Variants in NFX1 observed in about 807,000 individuals in gnomAD.
NFX1 encodes the protein transcriptional repressor NF-X1.
Under a neutral mutation model 137.2 loss-of-function variants are expected in NFX1, and 69 were observed. The observed-to-expected ratio is 0.50, with a 90% CI of 0.41 to 0.61. The LOEUF is 0.61. Ranked by LOEUF, NFX1 falls within the 20% of genes least tolerant of loss-of-function variation. NFX1 has a pLI of 0.00. For missense variants in NFX1, 1,167 were observed against 1,391.0 expected (o/e 0.84, Z 2.56); for synonymous variants, 495 against 474.1 (o/e 1.04, Z -0.57).
chr9:33,306,373 C>T (rs1185936444), intron 4 of NFX1, among the ~76,000 whole-genome samples: 3 of 152,144 alleles, frequency 2.0e-5, no homozygotes, highest in Non-Finnish European at 4.4e-5. Flanking sequence ...GACTGTGAAA[C>T]CCCAAGCAAG....
At chr9:33,356,563 G>A (rs2118659576) in intron 19 of NFX1, among the ~76,000 whole-genome samples, 1 of 152,018 alleles carries the variant, frequency 6.6e-6, no homozygotes, top group East Asian at 1.9e-4. Context: ...GTCCTATTTA[G>A]AAAAATTTGT....
In NFX1 at chr9:33,354,167, A is replaced by G; in HGVS notation, c.2811A>G (p.Lys937=). The G allele has an allele frequency of 6.2e-7, 1 of 1,613,268 alleles. No individual in the cohort carries two copies. ...TGGAGATCAGCAAGTTAATTACCAA[A>G]AAGGAAGTTCATCAAGCCAGGTAAT... The part of the protein sequence containing the change: ...GSVEISKLIT[K]KEVHQARLEC... Residue 937 remains lysine, a synonymous_variant, in exon 18 of 24, where the codon AAA becomes AAG. Coordinates refer to ENST00000379540, the MANE Select transcript of NFX1 (RefSeq NM_002504.6).
chr9:33,344,332 G>C, intron 14 of NFX1, 144 bp downstream of exon 14: 1 of 1,181,178 alleles, frequency 8.5e-7, no homozygotes, highest in Non-Finnish European at 1.2e-6. Flanking sequence ...TCTGAAGGTG[G>C]GTCTGTGATC....
chr9:33,367,996 G>C (rs1824218998), intron 23 of NFX1, among the ~76,000 whole-genome samples: 1 of 152,250 alleles, frequency 6.6e-6, no homozygotes, highest in Non-Finnish European at 1.5e-5. Context: ...CACTTTGGGA[G>C]GCCAAGGCGG....
intron 19 of NFX1, among the ~76,000 whole-genome samples, chr9:33,361,173 G>T (rs1823974757): frequency 6.6e-6 from 1 of 151,982 alleles, no homozygotes; most frequent in Admixed American, 6.6e-5. Context: ...AACCTAAATG[G>T]GAAATGATTA....
chr9:33,354,022 C>T, intron 17 of NFX1, 64 bp from the exon 18 acceptor site: 1 of 1,443,502 alleles, frequency 6.9e-7, no homozygotes, highest in Non-Finnish European at 9.4e-7. Flanking sequence ...TTCTGTATCC[C>T]AAGTATAAGG....
chr9:33,346,566 T>C (rs116636847), intron 14 of NFX1, among the ~76,000 whole-genome samples: 65 of 151,670 alleles, frequency 4.3e-4, no homozygotes, highest in African/African-American at 1.5e-3. Flanking sequence ...CAGACGAGAG[T>C]GTGGTAGCCA....
At chr9:33,337,741 C>T (rs1016844536) in intron 11 of NFX1, among the ~76,000 whole-genome samples, 1 of 27,806 alleles carries the variant, frequency 3.6e-5, no homozygotes, top group African/African-American at 4.8e-5. Flanking sequence ...TAAAACAAAA[C>T]AAAACAAAAC....
intron 15 of NFX1, among the ~76,000 whole-genome samples, chr9:33,350,256 A>G (rs572815955): frequency 3.8e-4 from 57 of 149,050 alleles, no homozygotes; most frequent in African/African-American, 1.3e-3. Flanking sequence ...GTGAGCTGAG[A>G]TGGCGCCACC....
chr9:33,328,070 G>T (rs1176827901), intron 9 of NFX1, among the ~76,000 whole-genome samples: 1 of 152,138 alleles, frequency 6.6e-6, no homozygotes, highest in East Asian at 1.9e-4. Context: ...GAGTTCAGTG[G>T]TGCGATCACA....
At chr9:33,348,865 C>A in intron 15 of NFX1, 1 of 807,648 alleles carries the variant, frequency 1.2e-6, no homozygotes, top group Non-Finnish European at 1.5e-6. Flanking sequence ...TGCTACATTC[C>A]AACTGTCCTA....
intron 10 of NFX1, among the ~76,000 whole-genome samples, chr9:33,330,853 T>C (rs1031889452): frequency 6.6e-6 from 1 of 152,090 alleles, no homozygotes; most frequent in African/African-American, 2.4e-5. Context: ...CTGTTAAACC[T>C]GTTTGACAAA....
Position 33,352,931 on chromosome 9 carries a change from G to GT in NFX1, c.2729+215dup, listed in dbSNP as rs1823690990. On this transcript the variant is annotated intron_variant, in intron 17 of 23. Coordinates refer to ENST00000379540, the MANE Select transcript of NFX1 (RefSeq NM_002504.6). ...TTCTAAAAGCTGGAAAGGTTTTTTTGTTTGTTTTGTTTTGTTTTATTGAGA... is the reference window on the plus strand; with the variant it reads ...TTCTAAAAGCTGGAAAGGTTTTTTTGTTTTGTTTTGTTTTGTTTTATTGAGA... 9 of 513,736 alleles carry GT rather than the reference G, an allele frequency of 1.8e-5. No homozygotes were observed. The South Asian group carries it at 2.2e-4, about 13-fold the overall frequency. 31.8% of individuals were successfully genotyped at this position (513,736 alleles called of 1,614,324 possible).
At chr9:33,309,360 G>A (rs201803762) in intron 5 of NFX1, among the ~76,000 whole-genome samples, 9 of 146,052 alleles carry the variant, frequency 6.2e-5, no homozygotes, top group Non-Finnish European at 4.5e-5. Context: ...CCGTCTCAGA[G>A]AAAAAAAAAA....
intron 5 of NFX1, among the ~76,000 whole-genome samples, chr9:33,308,989 C>T (rs1002307286): frequency 1.3e-5 from 2 of 152,064 alleles, no homozygotes; most frequent in African/African-American, 2.4e-5. Context: ...TTTGACTGCT[C>T]GCATAGGTCC....
At position 33,331,343 on chromosome 9, in the gene NFX1, T is replaced by C. The variant is rs900764109; in HGVS notation, c.2005-1129T>C. Among the ~76,000 whole-genome samples the C allele has an allele frequency of 5.9e-5, 9 of 152,330 alleles. 1 individual carries two copies. Among genetic ancestry groups the C allele is most frequent in the Admixed American group, 5.9e-4 (9 of 15,304 alleles). On this transcript the variant is annotated intron_variant, in intron 10 of 23. Coordinates refer to ENST00000379540, the MANE Select transcript of NFX1 (RefSeq NM_002504.6). ...TCAAAGGTTGTTTTCATTTCATCAC[T>C]TTGGTGGGATTCTGATAAATGTATG...
At position 33,364,757 on chromosome 9, in the gene NFX1, G is replaced by A. The variant is rs767614678; in HGVS notation, c.3022G>A (p.Val1008Met). ...SDVEKEMETL[V>M]EAVNKGKNSK... ...CGTTGAGAAGGAAATGGAAACCCTC[G>A]TGGAGGCCGTGAATAAGGTTGAAGT... Residue 1008 changes from valine (V) to methionine (M), a missense_variant, in exon 21 of 24, where the codon GTG (valine) becomes ATG (methionine). Val to Met is a conservative substitution (Grantham distance 21, BLOSUM62 1). This residue lies in a region of NFX1 where 312 missense variants were observed against 312.8 expected (regional missense o/e 1.00). Transcript: ENST00000379540. 5.6e-6 allele frequency: 9 copies of A among 1,613,628 alleles called. No homozygotes were observed. Among genetic ancestry groups the A allele is most frequent in the Non-Finnish European group, 7.6e-6 (9 of 1,179,916 alleles).
At chr9:33,311,033 A>T in intron 5 of NFX1, 73 bp from the exon 6 acceptor site, 1 of 1,378,640 alleles carries the variant, frequency 7.3e-7, no homozygotes, top group Non-Finnish European at 1.0e-6. Flanking sequence ...TCACAATAAG[A>T]CCCAGCTGGG....
rs1245940807 is a variant in NFX1, at chr9:33,370,901, T to A, written c.*923T>A. The A allele has an allele frequency of 6.6e-6, 1 of 152,312 alleles. No individual in the cohort carries two copies. The highest frequency in any genetic ancestry group is 1.5e-5 in the Non-Finnish European group (1 of 68,102). 9.4% of individuals were successfully genotyped at this position (152,312 alleles called of 1,614,324 possible). On this transcript the variant is annotated 3_prime_UTR_variant, in exon 24 of 24. Coordinates refer to ENST00000379540, the MANE Select transcript of NFX1 (RefSeq NM_002504.6). ...CTGAGCTCTGGACTCTGTTTGAATA[T>A]TCCAAGTAGTATATGGACAGTCCAG...
Sources: gnomAD v4.1 joint callset for allele counts (sites outside exome capture counted in the v4.1 genomes callset) on GRCh38, gnomAD v4.1.1 for gene constraint, gnomAD v4.1.1 regional missense constraint, MANE v1.5 for transcripts, NCBI Gene and HGNC (gene_info 2026-07-23, HGNC 2026-07-21) for gene names.